Variants in PDLIM5 observed in about 807,000 individuals in gnomAD.
The protein encoded by PDLIM5 is PDZ and LIM domain 5.
In PDLIM5, 34 loss-of-function variants were observed where a neutral mutation model predicts 64.2. The observed-to-expected ratio is 0.53, with a 90% confidence interval of 0.40 to 0.71. The LOEUF (loss-of-function observed/expected upper bound fraction) is 0.71. PDLIM5 is among the 30% of genes least tolerant of loss of function. The pLI is 0.00. For missense variants in PDLIM5, 683 were observed against 733.6 expected (o/e 0.93, Z 0.80); for synonymous variants, 253 against 269.1 (o/e 0.94, Z 0.59).
At chr4:94,586,880 T>C in intron 7 of PDLIM5, 1 of 1,045,314 alleles carries the variant, frequency 9.6e-7, no homozygotes, top group Non-Finnish European at 1.3e-6. Context: ...AATTAAGCTT[T>C]TATAAGGCAT....
At chr4:94,633,914 G>A (rs778115007) in intron 8 of PDLIM5, among the ~76,000 whole-genome samples, 21 of 152,240 alleles carry the variant, frequency 1.4e-4, no homozygotes, top group Non-Finnish European at 2.8e-4. Context: ...GGAGCAAGCC[G>A]TGTGAACAAC....
At chr4:94,588,575 A>G in intron 7 of PDLIM5, among the ~76,000 whole-genome samples, 1 of 149,180 alleles carries the variant, frequency 6.7e-6, no homozygotes, top group Non-Finnish European at 1.5e-5. Context: ...AAATAAATAA[A>G]TAAATAAATA....
At chr4:94,504,643 C>T (rs1728233968) in intron 2 of PDLIM5, among the ~76,000 whole-genome samples, 1 of 152,108 alleles carries the variant, frequency 6.6e-6, no homozygotes, top group Admixed American at 6.6e-5. Flanking sequence ...TGTAATGGTG[C>T]TCTTGTGTCT....
intron 2 of PDLIM5, among the ~76,000 whole-genome samples, chr4:94,469,191 C>T (rs1724629950): frequency 6.6e-6 from 1 of 152,010 alleles, no homozygotes; most frequent in South Asian, 2.1e-4. Context: ...ATAAACAAAA[C>T]AAAGTTATGT....
At chr4:94,644,920 T>A (rs202193377) in intron 9 of PDLIM5, among the ~76,000 whole-genome samples, 3,754 of 149,960 alleles carry the variant, frequency 0.025, 150 homozygotes, top group East Asian at 0.15. Flanking sequence ...CTTTTTTTTT[T>A]AATTTTTTAT....
At chr4:94,525,083 A>G (rs1730222439) in intron 3 of PDLIM5, among the ~76,000 whole-genome samples, 1 of 152,160 alleles carries the variant, frequency 6.6e-6, no homozygotes, top group Non-Finnish European at 1.5e-5. Flanking sequence ...GCATATAATT[A>G]TCTTAGTCTT....
At chr4:94,582,184 C>A (rs1402069417) in intron 5 of PDLIM5, among the ~76,000 whole-genome samples, 1 of 152,102 alleles carries the variant, frequency 6.6e-6, no homozygotes, top group Non-Finnish European at 1.5e-5. Context: ...AGAAATTGTA[C>A]TTGCTATTAA....
chr4:94,637,255 A>G (rs1740645829), intron 8 of PDLIM5, among the ~76,000 whole-genome samples: 1 of 152,202 alleles, frequency 6.6e-6, no homozygotes, highest in African/African-American at 2.4e-5. Context: ...GGCTGTTGTA[A>G]GGATTTAAGA....
At chr4:94,549,038 T>C (rs1421203914) in intron 3 of PDLIM5, among the ~76,000 whole-genome samples, 3 of 152,176 alleles carry the variant, frequency 2.0e-5, no homozygotes, top group Non-Finnish European at 4.4e-5. Context: ...TGTTAATTCA[T>C]GTTTTGCTTT....
rs77905080 is a variant in PDLIM5, at chr4:94,660,785, T to C, written c.1586-1637T>C. The stretch of plus-strand genomic sequence containing the variant: ...ATTATAGCCTGCCTTCCTCTCCAGC[T>C]GAGGTTGGATTGACAATGTCAAAGG... On this transcript the variant is annotated intron_variant, in intron 11 of 12. Transcript: ENST00000317968. Among the ~76,000 whole-genome samples, 865 of 152,222 alleles carry C rather than the reference T, an allele frequency of 5.7e-3. 12 individuals are homozygous for C. The highest frequency in any genetic ancestry group is 0.019 in the African/African-American group (772 of 41,526).
rs111387310 is a variant in PDLIM5 at position 94,500,771 on chromosome 4, T to TTTTA, written c.97-22925_97-22922dup. ...ATTTATTTCTTTCAAAGTTTATGGA[T>TTTTA]TTTATTTATTTATTTATTTATTTAT... On this transcript the variant is annotated intron_variant, in intron 2 of 12. Coordinates refer to ENST00000317968, the MANE Select transcript of PDLIM5 (RefSeq NM_006457.5). Among the ~76,000 whole-genome samples the TTTTA allele has an allele frequency of 3.9e-3, 580 of 148,938 alleles. 3 individuals carry two copies. The highest frequency in any genetic ancestry group is 0.011 in the African/African-American group (442 of 40,504).
intron 10 of PDLIM5, chr4:94,657,034 C>G (rs1280875117): frequency 2.0e-5 from 3 of 153,330 alleles, no homozygotes; most frequent in Non-Finnish European, 4.4e-5. Context: ...CTCCTTCCCC[C>G]AGAACTTTTG....
intron 9 of PDLIM5, among the ~76,000 whole-genome samples, chr4:94,644,693 C>A (rs1283437163): frequency 6.6e-6 from 1 of 152,098 alleles, no homozygotes; most frequent in African/African-American, 2.4e-5. Flanking sequence ...AGGCACCTGC[C>A]ACCACGCCCA....
chr4:94,613,305 A>T (rs28560157), intron 7 of PDLIM5, among the ~76,000 whole-genome samples: 11,023 of 152,250 alleles, frequency 0.072, 640 homozygotes, highest in African/African-American at 0.16. Context: ...TGTAATTAGA[A>T]TAAGTTACTC....
chr4:94,578,278 A>C (rs1303641576), intron 5 of PDLIM5, among the ~76,000 whole-genome samples: 1 of 152,176 alleles, frequency 6.6e-6, no homozygotes, highest in Admixed American at 6.6e-5. Context: ...AAAGCTTATT[A>C]TTTTTAAACT....
intron 3 of PDLIM5, among the ~76,000 whole-genome samples, chr4:94,541,532 G>A (rs1378186609): frequency 6.6e-6 from 1 of 152,220 alleles, no homozygotes; most frequent in East Asian, 1.9e-4. Context: ...AGATTGGCAA[G>A]GACAGTTTTG....
chr4:94,542,051 C>G (rs1731853598), intron 3 of PDLIM5, among the ~76,000 whole-genome samples: 1 of 152,100 alleles, frequency 6.6e-6, no homozygotes, highest in South Asian at 2.1e-4. Flanking sequence ...GTGGCTCATG[C>G]GTGTAATCCC....
Position 94,665,940 on chromosome 4 carries a change from G to A in PDLIM5, c.*1873G>A. The A allele has an allele frequency of 6.6e-7, 1 of 1,516,350 alleles. No individual in the cohort carries two copies. Among genetic ancestry groups the A allele is most frequent in the Non-Finnish European group, 8.8e-7 (1 of 1,138,982 alleles). 93.9% of individuals were successfully genotyped at this position (1,516,350 alleles called of 1,614,324 possible). On this transcript the variant is annotated 3_prime_UTR_variant, in exon 13 of 13. Transcript: ENST00000317968. ...ACCACATGGAGACAGGGAAACAATT[G>A]TGGTAAAACTGTGGATCCTGTTGCT...
Position 94,527,922 on chromosome 4 carries a change from C to T in PDLIM5, c.248+4047C>T, listed in dbSNP as rs181183864. On this transcript the variant is annotated intron_variant, in intron 3 of 12. Coordinates refer to ENST00000317968, the MANE Select transcript of PDLIM5 (RefSeq NM_006457.5). ...CCATTAGAAGCAATGGAAGAAACAC[C>T]TGGGGAATTGGTGTACCAAACCATT... Among the ~76,000 whole-genome samples, 3 of 152,296 alleles carry T rather than the reference C, an allele frequency of 2.0e-5. No homozygotes were observed. In the East Asian group the frequency reaches 5.8e-4, roughly 29 times the overall value.
Sources: gnomAD v4.1 joint callset for allele counts (sites outside exome capture counted in the v4.1 genomes callset) on GRCh38, gnomAD v4.1.1 for gene constraint, MANE v1.5 for transcripts, NCBI Gene and HGNC (gene_info 2026-07-23, HGNC 2026-07-21) for gene names.